Variants in CADM1 observed in about 807,000 individuals in gnomAD.
The protein encoded by CADM1 is cell adhesion molecule 1, also known as TSLC-1.
CADM1 carries 15 observed loss-of-function variants against 53.1 expected under a neutral mutation model. The observed-to-expected ratio is 0.28, with a 90% CI of 0.19 to 0.44. CADM1 has a LOEUF of 0.44. Ranked by LOEUF, CADM1 falls within the 20% of genes least tolerant of loss-of-function variation. The probability of loss-of-function intolerance (pLI) is 1.00; values close to 1 mark genes in which losing one functional copy is unlikely to be tolerated. For synonymous variants in CADM1, 281 were observed against 243.0 expected (o/e 1.16, Z -1.45); for missense variants, 434 against 611.3 (o/e 0.71, Z 3.06).
intron 1 of CADM1, among the ~76,000 whole-genome samples, chr11:115,451,033 A>C (rs1948560485): frequency 6.6e-6 from 1 of 152,204 alleles, no homozygotes; most frequent in Non-Finnish European, 1.5e-5. Context: ...TGCTTCTGTA[A>C]AGCTCATTCT....
intron 1 of CADM1, among the ~76,000 whole-genome samples, chr11:115,438,720 C>CAA (rs35512432): frequency 9.3e-5 from 14 of 150,474 alleles, no homozygotes; most frequent in African/African-American, 3.4e-4. Flanking sequence ...ATGGTTTGAT[C>CAA]AAAAAAAAAG....
At chr11:115,401,146 A>G (rs1947142215) in intron 1 of CADM1, among the ~76,000 whole-genome samples, 1 of 152,224 alleles carries the variant, frequency 6.6e-6, no homozygotes, top group African/African-American at 2.4e-5. Flanking sequence ...CACAGACAAT[A>G]GAATAGTATT....
chr11:115,418,766 G>C (rs1374757436), intron 1 of CADM1, among the ~76,000 whole-genome samples: 1 of 152,076 alleles, frequency 6.6e-6, no homozygotes, highest in Non-Finnish European at 1.5e-5. Context: ...CTTGACAATA[G>C]AATTGAAGAG....
Position 115,172,392 on chromosome 11 carries a change from A to G in CADM1, c.*4082T>C, listed in dbSNP as rs895096609. The G allele has an allele frequency of 1.3e-5, 2 of 152,240 alleles. No individual in the cohort carries two copies. The highest frequency in any genetic ancestry group is 2.9e-5 in the Non-Finnish European group (2 of 68,082). The allele number at this position is 152,240 out of a possible 1,614,324, so 9.4% of individuals were successfully genotyped here. On this transcript the variant is annotated 3_prime_UTR_variant, in exon 12 of 12. Coordinates refer to ENST00000331581, the MANE Select transcript of CADM1 (RefSeq NM_001301043.2). Reference sequence around the variant, plus strand: ...CACGGAATTGCTTTCTTCTCCCCATACAAATCAGCAGGCTGGCTGGGCTTG... The same window carrying G: ...CACGGAATTGCTTTCTTCTCCCCATGCAAATCAGCAGGCTGGCTGGGCTTG...
intron 1 of CADM1, among the ~76,000 whole-genome samples, chr11:115,410,626 C>A (rs949466811): frequency 6.6e-6 from 1 of 151,904 alleles, no homozygotes; most frequent in African/African-American, 2.4e-5. Flanking sequence ...GCAAAAAAAG[C>A]AGAAAGGTGC....
chr11:115,345,323 T>G (rs1268716391), intron 1 of CADM1, among the ~76,000 whole-genome samples: 1 of 152,174 alleles, frequency 6.6e-6, no homozygotes, highest in Non-Finnish European at 1.5e-5. Context: ...TACACACAGA[T>G]GTACCCCTCC....
intron 1 of CADM1, among the ~76,000 whole-genome samples, chr11:115,429,706 A>G (rs1044917368): frequency 0.025 from 2 of 80 alleles, no homozygotes; most frequent in African/African-American, 0.1. Context: ...TTCAAACAGT[A>G]TGCACTAAGC....
intron 1 of CADM1, among the ~76,000 whole-genome samples, chr11:115,347,207 C>A (rs940640070): frequency 4.6e-5 from 7 of 152,058 alleles, no homozygotes; most frequent in Admixed American, 2.6e-4. Flanking sequence ...AGGCTTCCTG[C>A]GCCAAAGACA....
At chr11:115,269,105 T>A (rs1943225496) in intron 1 of CADM1, among the ~76,000 whole-genome samples, 1 of 152,112 alleles carries the variant, frequency 6.6e-6, no homozygotes. Context: ...TTTCTATAAA[T>A]GAGTGTGGCC....
Position 115,214,624 on chromosome 11 carries a change from A to G in CADM1, c.978T>C (p.Tyr326=). ...SNIVGKAHSD[Y]MLYVYDPPTT... ...CTCACGTACCGTATACATACAGCAT[A>G]TAATCCGAGTGAGCTTTCCCCACTA... The change falls in exon 7 of 12, where the codon TAT becomes TAC. Residue 326 remains tyrosine, a synonymous_variant. Transcript: ENST00000331581. 3 of 1,614,002 alleles carry G rather than the reference A, an allele frequency of 1.9e-6. No individual in the cohort carries two copies. The highest frequency in any genetic ancestry group is 2.5e-6 in the Non-Finnish European group (3 of 1,179,882).
At chr11:115,282,535 A>G (rs2135082485) in intron 1 of CADM1, among the ~76,000 whole-genome samples, 1 of 152,336 alleles carries the variant, frequency 6.6e-6, no homozygotes, top group East Asian at 1.9e-4. Context: ...TCACAACACT[A>G]TAAAAACATA....
At chr11:115,407,269 C>A (rs544872061) in intron 1 of CADM1, among the ~76,000 whole-genome samples, 20 of 152,258 alleles carry the variant, frequency 1.3e-4, no homozygotes, top group Non-Finnish European at 2.4e-4. Context: ...ACAATGAATC[C>A]ATTTCTCTGA....
intron 1 of CADM1, among the ~76,000 whole-genome samples, chr11:115,402,418 G>A (rs1004659701): frequency 6.6e-6 from 1 of 152,178 alleles, no homozygotes; most frequent in Non-Finnish European, 1.5e-5. Context: ...AGCTACTCAG[G>A]AGGCTGAGGC....
At chr11:115,359,475 T>C (rs539835818) in intron 1 of CADM1, among the ~76,000 whole-genome samples, 11 of 152,156 alleles carry the variant, frequency 7.2e-5, no homozygotes, top group Non-Finnish European at 1.5e-4. Context: ...ACAACCTTGA[T>C]AGAAGACCAG....
chr11:115,401,759 A>T (rs1042918902), intron 1 of CADM1, among the ~76,000 whole-genome samples: 3 of 152,216 alleles, frequency 2.0e-5, no homozygotes, highest in Admixed American at 1.3e-4. Flanking sequence ...GACAGAATGG[A>T]CAACACCAAG....
chr11:115,479,395 TCA>T (rs1457238371), intron 1 of CADM1, among the ~76,000 whole-genome samples: 1 of 152,098 alleles, frequency 6.6e-6, no homozygotes, highest in Non-Finnish European at 1.5e-5. Context: ...TTCACTGTAA[TCA>T]CAGTTTCCTA....
At chr11:115,460,017 C>T (rs1456299694) in intron 1 of CADM1, among the ~76,000 whole-genome samples, 2 of 152,242 alleles carry the variant, frequency 1.3e-5, no homozygotes, top group Admixed American at 1.3e-4. Flanking sequence ...TACTTAGGTG[C>T]TTTGGAACCT....
intron 1 of CADM1, among the ~76,000 whole-genome samples, chr11:115,340,651 TATATATA>T (rs1341747423): frequency 2.4e-4 from 10 of 41,374 alleles, no homozygotes; most frequent in Non-Finnish European, 2.9e-4. Flanking sequence ...TATATATATA[TATATATA>T]TTTTTTTTTT....
At chr11:115,458,425 C>T (rs1017411616) in intron 1 of CADM1, among the ~76,000 whole-genome samples, 2 of 151,502 alleles carry the variant, frequency 1.3e-5, no homozygotes, top group South Asian at 2.1e-4. Context: ...TTAGATAAGA[C>T]AATAAATGTA....
Sources: gnomAD v4.1 joint callset for allele counts (sites outside exome capture counted in the v4.1 genomes callset) on GRCh38, gnomAD v4.1.1 for gene constraint, MANE v1.5 for transcripts, NCBI Gene and HGNC (gene_info 2026-07-23, HGNC 2026-07-21) for gene names.